DEPTOR: variants seen among roughly 807,000 people sequenced by gnomAD.
DEPTOR encodes DEP domain-containing mTOR-interacting protein.
In DEPTOR, 41 loss-of-function variants were observed where a neutral mutation model predicts 41.6. That is an observed-to-expected ratio of 0.98 (90% CI 0.77 to 1.28). The LOEUF (loss-of-function observed/expected upper bound fraction) is 1.28, where lower values mean the gene tolerates loss of function less well. Ranked by LOEUF, DEPTOR falls within the 50% of genes most tolerant of loss-of-function variation. DEPTOR has a pLI of 0.00. For missense variants in DEPTOR, 514 were observed against 527.9 expected (o/e 0.97, Z 0.26); for synonymous variants, 195 against 192.3 (o/e 1.01, Z -0.12).
At chr8:119,888,759 G>A (rs1050514896) in intron 1 of DEPTOR, among the ~76,000 whole-genome samples, 5 of 150,712 alleles carry the variant, frequency 3.3e-5, no homozygotes, top group Non-Finnish European at 7.4e-5. Flanking sequence ...AGGAGGCTGA[G>A]GCAGAAGAAT....
At chr8:120,036,234 A>C (rs1812977666) in intron 8 of DEPTOR, among the ~76,000 whole-genome samples, 1 of 152,192 alleles carries the variant, frequency 6.6e-6, no homozygotes, top group Non-Finnish European at 1.5e-5. Context: ...AGGCATTACA[A>C]ACTTCTCAAT....
chr8:120,001,121 C>G (rs1241996954), intron 4 of DEPTOR, among the ~76,000 whole-genome samples: 6 of 151,810 alleles, frequency 4.0e-5, no homozygotes, highest in African/African-American at 1.5e-4. Flanking sequence ...GACAAGCTCT[C>G]TGCTGGGCAA....
Position 119,945,007 on chromosome 8 carries a change from C to CCAGCA in DEPTOR, c.425+15075_425+15079dup, listed in dbSNP as rs1828253763. Among the ~76,000 whole-genome samples, 3 of 152,032 alleles carry CCAGCA rather than the reference C, an allele frequency of 2.0e-5. No homozygotes were observed. The South Asian group carries it at 6.2e-4, about 32-fold the overall frequency. On this transcript the variant is annotated intron_variant, in intron 3 of 8. Coordinates refer to ENST00000286234, the MANE Select transcript of DEPTOR (RefSeq NM_022783.4). ...CTCTGCTTCTGTATCACCTTGGGTC[C>CCAGCA]CAGCACAGCAGCCATCTCAACAGGG...
rs374042653 is a variant in DEPTOR at position 120,013,984 on chromosome 8, C to T, written c.1101+4851C>T. ...CCTCCCGAGTAGCTGGGATTACAGG[C>T]GTGCCACTATGCCCAGCTAATTTTG... On this transcript the variant is annotated intron_variant, in intron 8 of 8. Transcript: ENST00000286234. 2.4e-4 allele frequency among the ~76,000 whole-genome samples: 37 copies of T among 152,042 alleles called. No individual in the cohort carries two copies. The East Asian group carries it at 3.7e-3, about 15-fold the overall frequency.
intron 3 of DEPTOR, among the ~76,000 whole-genome samples, chr8:119,941,057 C>T (rs1379291072): frequency 6.6e-6 from 1 of 151,974 alleles, no homozygotes; most frequent in Non-Finnish European, 1.5e-5. Context: ...TATGAGTGTA[C>T]TTCGTGCTAC....
At chr8:120,018,019 C>A (rs1410484065) in intron 8 of DEPTOR, among the ~76,000 whole-genome samples, 1 of 151,658 alleles carries the variant, frequency 6.6e-6, no homozygotes, top group Non-Finnish European at 1.5e-5. Context: ...TCCTTTTTTT[C>A]CTCTTTCAAA....
At chr8:119,946,840 T>G (rs1828284966) in intron 3 of DEPTOR, among the ~76,000 whole-genome samples, 1 of 152,222 alleles carries the variant, frequency 6.6e-6, no homozygotes, top group African/African-American at 2.4e-5. Context: ...ATATAAAACA[T>G]TCTTTTAAGT....
At chr8:119,921,132 A>G (rs1419477058) in intron 1 of DEPTOR, among the ~76,000 whole-genome samples, 1 of 152,078 alleles carries the variant, frequency 6.6e-6, no homozygotes, top group Admixed American at 6.6e-5. Context: ...ATGTGCCACC[A>G]CACCCAGCTA....
intron 8 of DEPTOR, among the ~76,000 whole-genome samples, chr8:120,024,468 AGGGG>A (rs1338052683): frequency 3.3e-5 from 5 of 152,286 alleles, no homozygotes; most frequent in Non-Finnish European, 7.3e-5. Context: ...CTTTGGAAAT[AGGGG>A]CCTTACAGAG....
At position 119,886,051 on chromosome 8, in the gene DEPTOR, C is replaced by G. The variant is rs147565146; in HGVS notation, c.122+12083C>G. Reference sequence around the variant, plus strand: ...AAAGCAATTGCACATCTATACAACGCAAATCCCTATCCAGATATTTTTTAA... The same window carrying G: ...AAAGCAATTGCACATCTATACAACGGAAATCCCTATCCAGATATTTTTTAA... On this transcript the variant is annotated intron_variant, in intron 1 of 8. Transcript: ENST00000286234. Among the ~76,000 whole-genome samples the G allele has an allele frequency of 7.2e-4, 109 of 152,224 alleles. 1 individual carries two copies. The highest frequency in any genetic ancestry group is 3.4e-3 in the Middle Eastern group (1 of 294).
intron 4 of DEPTOR, among the ~76,000 whole-genome samples, chr8:119,983,778 T>C (rs1169156201): frequency 6.6e-6 from 1 of 150,998 alleles, no homozygotes; most frequent in Non-Finnish European, 1.5e-5. Flanking sequence ...CATCTTCTTT[T>C]TTAAAGCTAT....
chr8:119,992,610 A>T (rs1440350137), intron 4 of DEPTOR, among the ~76,000 whole-genome samples: 1 of 151,798 alleles, frequency 6.6e-6, no homozygotes, highest in Non-Finnish European at 1.5e-5. Context: ...TCAAGGATGA[A>T]TGAAAGTATG....
At chr8:119,925,736 T>A (rs1314976466) in intron 1 of DEPTOR, among the ~76,000 whole-genome samples, 1 of 152,166 alleles carries the variant, frequency 6.6e-6, no homozygotes, top group Non-Finnish European at 1.5e-5. Context: ...GCAATTCTCC[T>A]GCCTCAGCCT....
rs906766237 is a variant in DEPTOR at position 119,909,384 on chromosome 8, T to G, written c.123-19016T>G. 3.9e-5 allele frequency among the ~76,000 whole-genome samples: 6 copies of G among 152,206 alleles called. No individual in the cohort carries two copies. The East Asian group carries it at 5.8e-4, about 15-fold the overall frequency. Reference sequence around the variant, plus strand: ...TGTCTTTGGCTTAATGAGTGCTGTATTTTATAAGTAGCCACAGGTGTTTGG... The same window carrying G: ...TGTCTTTGGCTTAATGAGTGCTGTAGTTTATAAGTAGCCACAGGTGTTTGG... On this transcript the variant is annotated intron_variant, in intron 1 of 8. Transcript: ENST00000286234.
chr8:119,888,489 A>G (rs1291883591), intron 1 of DEPTOR, among the ~76,000 whole-genome samples: 3 of 152,196 alleles, frequency 2.0e-5, no homozygotes, highest in African/African-American at 7.2e-5. Flanking sequence ...AATTCTGGGC[A>G]GGATTTTTCT....
At chr8:120,015,366 TCTC>T (rs1302589780) in intron 8 of DEPTOR, among the ~76,000 whole-genome samples, 3 of 152,174 alleles carry the variant, frequency 2.0e-5, no homozygotes, top group African/African-American at 4.8e-5. Context: ...TCCAATCACT[TCTC>T]CTCATATCAC....
At chr8:119,932,104 C>A (rs1828051638) in intron 3 of DEPTOR, among the ~76,000 whole-genome samples, 1 of 151,878 alleles carries the variant, frequency 6.6e-6, no homozygotes, top group African/African-American at 2.4e-5. Flanking sequence ...GCCTCAGCCT[C>A]CCAAGTAGCT....
intron 8 of DEPTOR, among the ~76,000 whole-genome samples, chr8:120,040,346 G>A (rs1351318421): frequency 6.6e-6 from 1 of 152,008 alleles, no homozygotes; most frequent in African/African-American, 2.4e-5. Context: ...GGAGGCCGAG[G>A]CGGGCAGATC....
At chr8:120,036,624 A>G (rs886449944) in intron 8 of DEPTOR, among the ~76,000 whole-genome samples, 2 of 152,142 alleles carry the variant, frequency 1.3e-5, no homozygotes, top group African/African-American at 4.8e-5. Context: ...TAACTTATTT[A>G]CTACAGCAGT....
Sources: allele counts gnomAD v4.1 joint callset (sites outside exome capture counted in the v4.1 genomes callset), GRCh38; gene constraint gnomAD v4.1.1; transcripts MANE v1.5; gene names NCBI Gene and HGNC (gene_info 2026-07-23, HGNC 2026-07-21).